DAB1: variants seen among roughly 807,000 people sequenced by gnomAD.
The protein encoded by DAB1 is disabled homolog 1.
In DAB1, 15 loss-of-function variants were observed where a neutral mutation model predicts 64.6. That is an observed-to-expected ratio of 0.23 (90% confidence interval 0.16 to 0.36). The LOEUF (loss-of-function observed/expected upper bound fraction) is 0.36, where lower values mean the gene tolerates loss of function less well. DAB1 is among the 10% of genes least tolerant of loss of function. The pLI is 1.00. For synonymous variants in DAB1, 235 were observed against 251.9 expected, an observed-to-expected ratio of 0.93 and a Z score of 0.64; for missense variants, 596 against 706.7, an observed-to-expected ratio of 0.84 and a Z score of 1.78.
chr1:58,453,864 T>TGG (rs1645164419), intron 3 of DAB1, among the ~76,000 whole-genome samples: 1 of 152,138 alleles, frequency 6.6e-6, no homozygotes, highest in African/African-American at 2.4e-5. Context: ...GACTCAGGAA[T>TGG]GGAGACCTGA....
At chr1:57,687,133 A>G (rs530479059) in intron 6 of DAB1, among the ~76,000 whole-genome samples, 1 of 152,346 alleles carries the variant, frequency 6.6e-6, no homozygotes, top group South Asian at 2.1e-4. Flanking sequence ...ATATTTCTAT[A>G]TCTGTAAAAC....
intron 1 of DAB1, among the ~76,000 whole-genome samples, chr1:57,877,968 G>A (rs956973150): frequency 2.6e-5 from 4 of 152,306 alleles, no homozygotes; most frequent in Admixed American, 6.5e-5. Flanking sequence ...ATCCTGCTAT[G>A]TAGAGAGGTT....
chr1:57,202,934 C>T (rs918482931), intron 2 of DAB1, among the ~76,000 whole-genome samples: 2 of 152,174 alleles, frequency 1.3e-5, no homozygotes, highest in Admixed American at 1.3e-4. Context: ...ACAGTTCTAG[C>T]TTACCAAAAA....
chr1:58,503,921 C>A (rs947796332), intron 3 of DAB1, among the ~76,000 whole-genome samples: 26 of 152,200 alleles, frequency 1.7e-4, no homozygotes, highest in African/African-American at 6.3e-4. Context: ...GCCTAAATTA[C>A]CAACAAATCC....
intron 4 of DAB1, among the ~76,000 whole-genome samples, chr1:57,087,948 C>T (rs562140858): frequency 6.6e-5 from 10 of 152,284 alleles, no homozygotes; most frequent in South Asian, 2.1e-4. Context: ...AAGTAGGATG[C>T]GCTGTTGACA....
intron 5 of DAB1, among the ~76,000 whole-genome samples, chr1:57,933,425 C>CTT (rs34554638): frequency 3.2e-4 from 49 of 151,136 alleles, no homozygotes; most frequent in African/African-American, 1.2e-3. Context: ...CAGAAGTCTC[C>CTT]TTTTTTTTTA....
At chr1:57,811,348 T>G (rs918491602) in intron 6 of DAB1, among the ~76,000 whole-genome samples, 2 of 152,188 alleles carry the variant, frequency 1.3e-5, no homozygotes, top group African/African-American at 4.8e-5. Flanking sequence ...GTTCTTGTGA[T>G]AGTGAGTTCT....
At chr1:58,217,093 A>C (rs1295617921) in intron 4 of DAB1, among the ~76,000 whole-genome samples, 2 of 152,220 alleles carry the variant, frequency 1.3e-5, no homozygotes, top group Non-Finnish European at 1.5e-5. Flanking sequence ...CAAGCACATA[A>C]TAATTAGTAT....
chr1:57,218,570 A>G (rs1666617911), intron 2 of DAB1, among the ~76,000 whole-genome samples: 1 of 148,032 alleles, frequency 6.8e-6, no homozygotes, highest in Admixed American at 6.8e-5. Context: ...AGGTGCGGTG[A>G]TGATGCAGCA....
intron 2 of DAB1, among the ~76,000 whole-genome samples, chr1:57,228,223 G>T (rs1297591279): frequency 6.6e-6 from 1 of 152,058 alleles, no homozygotes; most frequent in East Asian, 1.9e-4. Flanking sequence ...CTGCACTTTG[G>T]TATCCATTTT....
chr1:57,682,488 G>A (rs540264507), intron 6 of DAB1, among the ~76,000 whole-genome samples: 2 of 151,614 alleles, frequency 1.3e-5, no homozygotes, highest in South Asian at 4.2e-4. Flanking sequence ...ATGGAGAGTG[G>A]ATGGAAAGGT....
intron 5 of DAB1, among the ~76,000 whole-genome samples, chr1:58,072,608 C>G (rs1301342475): frequency 6.6e-6 from 1 of 152,166 alleles, no homozygotes; most frequent in East Asian, 1.9e-4. Flanking sequence ...AAGAACAAAC[C>G]TTCAAGCACA....
intron 4 of DAB1, among the ~76,000 whole-genome samples, chr1:57,087,174 C>T (rs576269867): frequency 1.1e-4 from 16 of 152,330 alleles, no homozygotes; most frequent in Admixed American, 7.2e-4. Flanking sequence ...GCCAGAAAGG[C>T]ACAGGGCATA....
chr1:58,118,621 T>A (rs1570375711), intron 5 of DAB1, among the ~76,000 whole-genome samples: 6 of 129,142 alleles, frequency 4.6e-5, no homozygotes, highest in Non-Finnish European at 7.9e-5. Flanking sequence ...TATATATATA[T>A]AAAATACATA....
intron 5 of DAB1, among the ~76,000 whole-genome samples, chr1:58,095,487 C>A (rs994458231): frequency 6.6e-6 from 1 of 152,212 alleles, no homozygotes; most frequent in African/African-American, 2.4e-5. Context: ...TCCCACTCAG[C>A]AACCTGCTTG....
chr1:57,986,699 C>T (rs1304582495), intron 5 of DAB1, among the ~76,000 whole-genome samples: 1 of 152,042 alleles, frequency 6.6e-6, no homozygotes, highest in African/African-American at 2.4e-5. Flanking sequence ...TCTTTTTTGA[C>T]CTTATCAGGA....
chr1:57,854,773 G>A (rs778483666), intron 1 of DAB1, among the ~76,000 whole-genome samples: 1 of 152,128 alleles, frequency 6.6e-6, no homozygotes, highest in African/African-American at 2.4e-5. Context: ...GGAGATGTGG[G>A]GAAGATTTGG....
chr1:58,421,785 G>A (rs1024126207), intron 3 of DAB1, among the ~76,000 whole-genome samples: 1 of 152,310 alleles, frequency 6.6e-6, no homozygotes, highest in African/African-American at 2.4e-5. Flanking sequence ...TTGCAGAAGA[G>A]AAGTCGCAGA....
chr1:57,214,232 T>A (rs1666240168), intron 2 of DAB1, among the ~76,000 whole-genome samples: 1 of 152,204 alleles, frequency 6.6e-6, no homozygotes, highest in Non-Finnish European at 1.5e-5. Context: ...AGTGGAACTA[T>A]GTAAAGCTTC....
Sources: gnomAD v4.1 joint callset for allele counts (sites outside exome capture counted in the v4.1 genomes callset) on GRCh38, gnomAD v4.1.1 for gene constraint, MANE v1.5 for transcripts, NCBI Gene and HGNC (gene_info 2026-07-23, HGNC 2026-07-21) for gene names.